Variants in CDHR2 observed in about 807,000 individuals in gnomAD.
The protein encoded by CDHR2 is cadherin related family member 2.
Under a neutral mutation model 138.6 loss-of-function variants are expected in CDHR2, and 104 were observed. The ratio of observed to expected loss-of-function variants is 0.75; its 90% CI spans 0.64 to 0.88. CDHR2 has a LOEUF of 0.88. CDHR2 is among the 40% of genes least tolerant of loss of function. The probability of loss-of-function intolerance (pLI) is 0.00; values close to 1 mark genes in which losing one functional copy is unlikely to be tolerated. For synonymous variants in CDHR2, 755 were observed against 742.8 expected (o/e 1.02, Z -0.27); for missense variants, 1,624 against 1,727.6 (o/e 0.94, Z 1.06).
chr5:176,551,201 C>T (rs1757696450), intron 1 of CDHR2, among the ~76,000 whole-genome samples: 1 of 151,988 alleles, frequency 6.6e-6, no homozygotes, highest in African/African-American at 2.4e-5. Flanking sequence ...TGGAGTCTTG[C>T]TTGTCGCCCA....
chr5:176,573,975 G>A, intron 6 of CDHR2, 108 bp from the exon 7 acceptor site: 1 of 836,644 alleles, frequency 1.2e-6, no homozygotes, highest in Non-Finnish European at 1.9e-6. Context: ...GGGGAACCCT[G>A]TCCCCATGAG....
In CDHR2 at chr5:176,576,122, C is replaced by T. The variant is rs551349879; in HGVS notation, c.1131C>T (p.Asp377=). The part of the protein sequence containing the change: ...EAQVNFTGYV[D]EHASPRIPID... ...AAGTGAACTTCACTGGCTACGTGGA[C>T]GAGCATGCCTCCCCCCGCATCCCCA... Residue 377 remains aspartate (D), a synonymous_variant, in exon 12 of 32, where the codon GAC becomes GAT. Transcript: ENST00000261944. The surrounding 1 kb of genome is among the most constrained non-coding windows in gnomAD (Gnocchi z 4.5). 3.3e-5 allele frequency: 54 copies of T among 1,614,094 alleles called. No homozygotes were observed. The highest frequency in any genetic ancestry group is 3.3e-4 in the Admixed American group (20 of 60,026).
chr5:176,563,179 C>G (rs4331920), intron 1 of CDHR2, among the ~76,000 whole-genome samples: 66,741 of 151,900 alleles, frequency 0.44, 15,584 homozygotes, highest in Admixed American at 0.53. Flanking sequence ...GAAACCCCGT[C>G]TCCACTAAAA....
At chr5:176,572,271 C>G (rs1230914132) in intron 6 of CDHR2, among the ~76,000 whole-genome samples, 3 of 151,730 alleles carry the variant, frequency 2.0e-5, no homozygotes, top group Non-Finnish European at 4.4e-5. Context: ...GCCTGTAATC[C>G]CAGCTACTCA....
rs1424599488 is a variant in CDHR2 at position 176,575,780 on chromosome 5, G to A, written c.901G>A (p.Gly301Ser). ...GGCAGATGGGGTGATCAGGGTCAAC[G>A]GCTCCCTGGACCGTGAGCAGCTGCT... ...IGADGVIRVN[G>S]SLDREQLLEA... The change falls in exon 11 of 32, where the codon GGC becomes AGC. Residue 301 changes from glycine to serine, a missense_variant. This residue lies in a region of CDHR2 where 1,061 missense variants were observed against 1,136.6 expected (regional missense o/e 0.93). Transcript: ENST00000261944. 19 of 1,563,324 alleles carry A rather than the reference G, an allele frequency of 1.2e-5. No individual in the cohort carries two copies. In the Admixed American group the frequency reaches 1.5e-4, roughly 13 times the overall value.
At chr5:176,569,365 G>A (rs1758168898) in intron 5 of CDHR2, among the ~76,000 whole-genome samples, 1 of 150,132 alleles carries the variant, frequency 6.7e-6, no homozygotes. Context: ...CTCACTGCAA[G>A]CTCCGCCTCC....
At chr5:176,564,447 C>T (rs1466821612) in intron 1 of CDHR2, among the ~76,000 whole-genome samples, 1 of 152,210 alleles carries the variant, frequency 6.6e-6, no homozygotes. Flanking sequence ...CTCGGCCTCC[C>T]GAAGTGCTGG....
chr5:176,566,198 T>C (rs553019959), intron 3 of CDHR2, among the ~76,000 whole-genome samples: 1 of 152,296 alleles, frequency 6.6e-6, no homozygotes, highest in East Asian at 1.9e-4. Flanking sequence ...ACTTTCTGTC[T>C]ATGGCAGGTG....
At chr5:176,585,101 G>A (rs1290538711) in intron 19 of CDHR2, 86 bp downstream of exon 19, 2 of 1,422,132 alleles carry the variant, frequency 1.4e-6, no homozygotes, top group African/African-American at 2.9e-5. Flanking sequence ...CACAAGGTCT[G>A]GGCTCAGATC....
In CDHR2 at chr5:176,588,470, TGTGA is replaced by T. The variant is rs1385446089; in HGVS notation, c.2857-557_2857-554del. On this transcript the variant is annotated intron_variant, in intron 21 of 31. Coordinates refer to ENST00000261944, the MANE Select transcript of CDHR2 (RefSeq NM_017675.6). ...GAGTGTGAGAGGGTGTGTGAGTGTA[TGTGA>T]GTGTGAGAGGATAAGTGTGTGAGGG... Among the ~76,000 whole-genome samples the T allele has an allele frequency of 2.3e-5, 3 of 132,416 alleles. No homozygotes were observed. In the East Asian group the frequency reaches 6.8e-4, roughly 30 times the overall value. The allele number at this position is 132,416 out of a possible 152,430, so 86.9% of individuals were successfully genotyped here.
intron 1 of CDHR2, 125 bp from the exon 2 acceptor site, chr5:176,565,213 A>G (rs935414464): frequency 5.7e-6 from 4 of 700,350 alleles, no homozygotes; most frequent in Non-Finnish European, 1.0e-5. Context: ...AGGGTGATAG[A>G]GGCCCTGGGG....
At chr5:176,564,749 G>A (rs1461204077) in intron 1 of CDHR2, among the ~76,000 whole-genome samples, 1 of 151,986 alleles carries the variant, frequency 6.6e-6, no homozygotes, top group Non-Finnish European at 1.5e-5. Flanking sequence ...GTTCCACGGA[G>A]CACAGTTTGG....
At position 176,574,191 on chromosome 5, in the gene CDHR2, C is replaced by G; in HGVS notation, c.495+19C>G. 6.3e-7 allele frequency: 1 copy of G among 1,585,118 alleles called. No individual in the cohort carries two copies. Among genetic ancestry groups the G allele is most frequent in the Non-Finnish European group, 8.7e-7 (1 of 1,153,810 alleles). ...AGAGAAGGTGAGTGTGAAGGGGGCCCTGACCGCCTTTGTGACCGCCAGGGG... is the reference window on the plus strand; with the variant it reads ...AGAGAAGGTGAGTGTGAAGGGGGCCGTGACCGCCTTTGTGACCGCCAGGGG... On this transcript the variant is annotated intron_variant, in intron 7 of 31. Coordinates refer to ENST00000261944, the MANE Select transcript of CDHR2 (RefSeq NM_017675.6).
rs770196822 is a variant in CDHR2, at chr5:176,577,463, C to T, written c.1259C>T (p.Pro420Leu). The change falls in exon 13 of 32, where the codon CCG becomes CTG. Residue 420 changes from proline (P) to leucine (L), a missense_variant. Pro to Leu is a moderately conservative substitution (Grantham distance 98, BLOSUM62 -3). This residue lies in a region of CDHR2 where 1,061 missense variants were observed against 1,136.6 expected (regional missense o/e 0.93). Coordinates refer to ENST00000261944, the MANE Select transcript of CDHR2 (RefSeq NM_017675.6). ...GATGCAGAAGCCTTCAGCGTCTCCC[C>T]GGAGCGGGCAGTGGGCTCAGCCTCC... ...GPDAEAFSVSPERAVGSASVQ... is the reference protein window; with the variant it reads ...GPDAEAFSVSLERAVGSASVQ... The T allele has an allele frequency of 9.3e-6, 15 of 1,610,132 alleles. No homozygotes were observed. The highest frequency in any genetic ancestry group is 2.2e-5 in the East Asian group (1 of 44,764).
chr5:176,546,925 T>C (rs1159028765), upstream of CDHR2, among the ~76,000 whole-genome samples: 2 of 151,164 alleles, frequency 1.3e-5, no homozygotes, highest in Non-Finnish European at 2.9e-5. Context: ...GTATCAAAAC[T>C]CAGAACTGCA....
At chr5:176,578,655 A>T (rs1758462514) in intron 16 of CDHR2, 47 bp downstream of exon 16, 1 of 1,597,166 alleles carries the variant, frequency 6.3e-7, no homozygotes, top group African/African-American at 1.3e-5. Context: ...GGAGGGGACC[A>T]AGCCTGCTCT....
chr5:176,542,546 A>G (rs1757472301), exon 1 of CDHR2: 1 of 152,122 alleles, frequency 6.6e-6, no homozygotes, highest in African/African-American at 2.4e-5. Context: ...TTCAGTGATG[A>G]AAACCGAGGG....
chr5:176,556,363 T>C (rs1222690155), intron 1 of CDHR2, among the ~76,000 whole-genome samples: 1 of 151,998 alleles, frequency 6.6e-6, no homozygotes, highest in African/African-American at 2.4e-5. Flanking sequence ...AGCAAGACCT[T>C]GTCTCAAGAA....
chr5:176,592,685 G>C lies in CDHR2; in HGVS notation c.3735-38G>C. On this transcript the variant is annotated intron_variant, in intron 30 of 31. Transcript: ENST00000261944. Reference sequence around the variant, plus strand: ...TCTTGGGCACAGTAAGGGAGGACTGGGCCTGCCAACACCTGAGCTCCATCA... The same window carrying C: ...TCTTGGGCACAGTAAGGGAGGACTGCGCCTGCCAACACCTGAGCTCCATCA... 6 of 1,596,522 alleles carry C rather than the reference G, an allele frequency of 3.8e-6. No individual in the cohort carries two copies. The Middle Eastern group carries it at 1.0e-3, about 265-fold the overall frequency.
Sources: allele counts gnomAD v4.1 joint callset (sites outside exome capture counted in the v4.1 genomes callset), GRCh38; gene constraint gnomAD v4.1.1; regional missense constraint gnomAD v4.1.1; non-coding constraint Gnocchi (gnomAD v3.1); transcripts MANE v1.5; gene names NCBI Gene and HGNC (gene_info 2026-07-23, HGNC 2026-07-21).